Variants in CIMAP3 observed in about 807,000 individuals in gnomAD.
CIMAP3 encodes the protein ciliary microtubule associated protein 3.
the CIMAP3 span, among the ~76,000 whole-genome samples, chr1:111,333,896 A>C: frequency 6.6e-6 from 1 of 152,226 alleles, no homozygotes; most frequent in African/African-American, 2.4e-5. Context: ...AGAAGTAGGC[A>C]ATTCTGAGCT....
At chr1:111,335,046 TG>T in the CIMAP3 span, among the ~76,000 whole-genome samples, 1 of 141,274 alleles carries the variant, frequency 7.1e-6, no homozygotes, top group East Asian at 2.1e-4. Flanking sequence ...GAAAATCACT[TG>T]AACATGGGAG....
the CIMAP3 span, among the ~76,000 whole-genome samples, chr1:111,326,247 C>A: frequency 2.0e-5 from 3 of 152,208 alleles, no homozygotes; most frequent in South Asian, 6.2e-4. Flanking sequence ...GAACTTACAC[C>A]TTGTATCTAA....
At chr1:111,328,271 T>C in the CIMAP3 span, among the ~76,000 whole-genome samples, 2 of 152,216 alleles carry the variant, frequency 1.3e-5, no homozygotes, top group Non-Finnish European at 2.9e-5. Flanking sequence ...TGTCCAATTA[T>C]GTGGTCGATT....
chr1:111,328,550 T>C, the CIMAP3 span, among the ~76,000 whole-genome samples: 65,553 of 152,114 alleles, frequency 0.43, 14,707 homozygotes, highest in South Asian at 0.52. Flanking sequence ...GGTGCATATA[T>C]ATTTAGGAAA....
the CIMAP3 span, among the ~76,000 whole-genome samples, chr1:111,342,822 G>C: frequency 3.9e-5 from 6 of 152,116 alleles, no homozygotes; most frequent in Non-Finnish European, 7.3e-5. Context: ...GCTTGTTCTG[G>C]GCAGAATGGC....
chr1:111,346,060 C>G, the CIMAP3 span, among the ~76,000 whole-genome samples: 4 of 152,186 alleles, frequency 2.6e-5, no homozygotes, highest in Non-Finnish European at 5.9e-5. Context: ...TGGCATTCTA[C>G]CCGGTCCACG....
the CIMAP3 span, among the ~76,000 whole-genome samples, chr1:111,345,507 C>A: frequency 6.6e-6 from 1 of 152,176 alleles, no homozygotes; most frequent in African/African-American, 2.4e-5. Context: ...AGCCTGTTGA[C>A]CAGGAACAAC....
the CIMAP3 span, among the ~76,000 whole-genome samples, chr1:111,342,092 A>G: frequency 6.6e-6 from 1 of 152,184 alleles, no homozygotes; most frequent in Non-Finnish European, 1.5e-5. Context: ...CATTAAATAG[A>G]TATGACTCAA....
At chr1:111,325,767 T>C in the CIMAP3 span, among the ~76,000 whole-genome samples, 1 of 152,288 alleles carries the variant, frequency 6.6e-6, no homozygotes, top group South Asian at 2.1e-4. Flanking sequence ...TTGCACCATA[T>C]GTTGTATAAT....
At chr1:111,337,514 C>A in the CIMAP3 span, among the ~76,000 whole-genome samples, 73,026 of 150,762 alleles carry the variant, frequency 0.48, 18,011 homozygotes, top group South Asian at 0.54. Flanking sequence ...TCTACCAAGC[C>A]AATGGAAAAC....
At chr1:111,333,222 T>C in the CIMAP3 span, among the ~76,000 whole-genome samples, 4 of 152,194 alleles carry the variant, frequency 2.6e-5, no homozygotes, top group African/African-American at 9.7e-5. Context: ...GCAGTGGGAA[T>C]TGGTTTCCCT....
At chr1:111,351,829 T>G in the CIMAP3 span, 233 of 152,560 alleles carry the variant, frequency 1.5e-3, 1 homozygote, top group East Asian at 0.026. Context: ...TTTCCCAGAT[T>G]GACATAAAAC....
chr1:111,340,921 G>A, the CIMAP3 span, among the ~76,000 whole-genome samples: 13 of 152,118 alleles, frequency 8.5e-5, no homozygotes, highest in East Asian at 5.8e-4. Context: ...TGTTTATTGC[G>A]ACATTATTCA....
At chr1:111,347,979 G>A in the CIMAP3 span, among the ~76,000 whole-genome samples, 1 of 152,236 alleles carries the variant, frequency 6.6e-6, no homozygotes, top group Non-Finnish European at 1.5e-5. Context: ...ACCGGGGAGA[G>A]TGGAAAACAA....
chr1:111,346,527 C>T, the CIMAP3 span: 1 of 1,503,928 alleles, frequency 6.6e-7, no homozygotes, highest in Non-Finnish European at 9.0e-7. Flanking sequence ...CGGTGGACGC[C>T]CCAACTTGCC....
At chr1:111,341,895 G>GAAA in the CIMAP3 span, among the ~76,000 whole-genome samples, 1 of 150,628 alleles carries the variant, frequency 6.6e-6, no homozygotes, top group Non-Finnish European at 1.5e-5. Context: ...ATGTTTTAAT[G>GAAA]AAAAAAAAAG....
the CIMAP3 span, among the ~76,000 whole-genome samples, chr1:111,337,711 C>T: frequency 1.3e-5 from 2 of 152,146 alleles, no homozygotes; most frequent in Non-Finnish European, 1.5e-5. Context: ...CCTGAGTGAC[C>T]TACAAAGAGA....
the CIMAP3 span, among the ~76,000 whole-genome samples, chr1:111,340,402 C>T: frequency 1.3e-5 from 2 of 152,028 alleles, no homozygotes; most frequent in African/African-American, 4.8e-5. Context: ...AAGAAACTAC[C>T]ATCAGAGTGA....
At chr1:111,341,228 G>A in the CIMAP3 span, among the ~76,000 whole-genome samples, 2 of 150,572 alleles carry the variant, frequency 1.3e-5, no homozygotes, top group African/African-American at 4.9e-5. Flanking sequence ...GAAGGGGGGA[G>A]GGATAGCATT....
Sources: allele counts gnomAD v4.1 joint callset (sites outside exome capture counted in the v4.1 genomes callset), GRCh38; gene constraint gnomAD v4.1.1; transcripts MANE v1.5; gene names NCBI Gene and HGNC (gene_info 2026-07-23, HGNC 2026-07-21).